Variants in MTRES1 observed in about 807,000 individuals in gnomAD.
The protein encoded by MTRES1 is uncharacterized protein C6orf203.
A neutral mutation model predicts 17.4 loss-of-function variants in MTRES1; 11 were observed. The ratio of observed to expected loss-of-function variants is 0.63; its 90% CI spans 0.40 to 1.05. MTRES1 has a LOEUF of 1.05. MTRES1 is among the 50% of genes least tolerant of loss of function. MTRES1 has a pLI of 0.00. For missense variants in MTRES1, 268 were observed against 276.2 expected (o/e 0.97, Z 0.21); for synonymous variants, 94 against 99.6 (o/e 0.94, Z 0.34).
At position 107,040,259 on chromosome 6, in the gene MTRES1, C is replaced by T. The variant is rs782003736; in HGVS notation, c.470+29C>T. On this transcript the variant is annotated intron_variant, in intron 2 of 3. Coordinates refer to ENST00000311381, the MANE Select transcript of MTRES1 (RefSeq NM_016487.5). ...AGTATGATACGCATTTCATTATAAA[C>T]TCGCTCGTAGTCATGTTATTTTAAT... 4 of 1,549,938 alleles carry T rather than the reference C, an allele frequency of 2.6e-6. No homozygotes were observed. In the Admixed American group the frequency reaches 8.6e-5, roughly 33 times the overall value.
At chr6:107,045,410 G>A (rs1324298884) in intron 3 of MTRES1, among the ~76,000 whole-genome samples, 2 of 152,094 alleles carry the variant, frequency 1.3e-5, no homozygotes, top group Admixed American at 1.3e-4. Flanking sequence ...CATGAACCTG[G>A]GAGGCGGAGC....
intron 3 of MTRES1, 51 bp from the exon 4 acceptor site, chr6:107,051,006 G>T: frequency 6.8e-7 from 1 of 1,471,226 alleles, no homozygotes; most frequent in Non-Finnish European, 9.4e-7. Context: ...GTTTGCATTG[G>T]CCTGGATTTC....
chr6:107,045,032 C>G (rs1421640167), intron 3 of MTRES1, among the ~76,000 whole-genome samples: 1 of 151,758 alleles, frequency 6.6e-6, no homozygotes, highest in South Asian at 2.1e-4. Flanking sequence ...ACAAAAAATA[C>G]AAAAAATTAG....
intron 1 of MTRES1, among the ~76,000 whole-genome samples, chr6:107,038,812 T>C (rs1774091348): frequency 3.3e-5 from 5 of 152,144 alleles, no homozygotes; most frequent in African/African-American, 1.2e-4. Flanking sequence ...CCCAGCACTT[T>C]GGGAGGCCAA....
At chr6:107,048,751 G>C (rs554869173) in intron 3 of MTRES1, among the ~76,000 whole-genome samples, 20 of 141,314 alleles carry the variant, frequency 1.4e-4, no homozygotes, top group Non-Finnish European at 2.7e-4. Flanking sequence ...CTGCACTCCA[G>C]CCTGGTGACA....
At chr6:107,043,195 G>A (rs567828156) in intron 2 of MTRES1, among the ~76,000 whole-genome samples, 10 of 152,184 alleles carry the variant, frequency 6.6e-5, no homozygotes, top group South Asian at 2.1e-4. Flanking sequence ...TTACCCAGGC[G>A]TGGTGGCGGG....
intron 1 of MTRES1, chr6:107,028,840 ACCT>A: frequency 1.0e-6 from 1 of 979,812 alleles, no homozygotes; most frequent in Non-Finnish European, 1.2e-6. Context: ...GTCACCCAAA[ACCT>A]CCTATGGGAT....
intron 3 of MTRES1, among the ~76,000 whole-genome samples, chr6:107,047,127 A>G (rs1458457892): frequency 6.6e-6 from 1 of 152,140 alleles, no homozygotes; most frequent in Non-Finnish European, 1.5e-5. Context: ...TTAGCCACAC[A>G]CTAGCCTTCT....
intron 3 of MTRES1, 130 bp from the exon 4 acceptor site, chr6:107,050,927 G>A (rs1774581692): frequency 1.4e-6 from 1 of 739,258 alleles, no homozygotes; most frequent in African/African-American, 1.8e-5. Flanking sequence ...CAGTGACTAA[G>A]GTCAGGGCCT....
chr6:107,045,780 T>C (rs1224958152), intron 3 of MTRES1, among the ~76,000 whole-genome samples: 1 of 152,206 alleles, frequency 6.6e-6, no homozygotes, highest in African/African-American at 2.4e-5. Context: ...GAAGACATAA[T>C]CTAACTCAGT....
chr6:107,046,759 G>A (rs1221289742), intron 3 of MTRES1, among the ~76,000 whole-genome samples: 3 of 152,110 alleles, frequency 2.0e-5, no homozygotes, highest in Non-Finnish European at 2.9e-5. Context: ...TGAAAACCAG[G>A]TGAAGCCCAG....
intron 1 of MTRES1, among the ~76,000 whole-genome samples, chr6:107,035,731 C>T (rs1406925270): frequency 1.3e-5 from 2 of 152,104 alleles, no homozygotes; most frequent in Non-Finnish European, 2.9e-5. Flanking sequence ...TCACTGCAAC[C>T]TCAACCTCCT....
At chr6:107,050,616 G>A (rs758050329) in intron 3 of MTRES1, among the ~76,000 whole-genome samples, 4 of 135,568 alleles carry the variant, frequency 3.0e-5, no homozygotes, top group East Asian at 2.3e-4. Context: ...TCCCTCTGTC[G>A]CCCGGGCTGG....
chr6:107,029,984 A>C (rs1582588401), intron 1 of MTRES1: 1 of 673,368 alleles, frequency 1.5e-6, no homozygotes. Context: ...CATATAATTT[A>C]CAGGGTGTTT....
chr6:107,033,741 C>CT (rs1159201836), intron 1 of MTRES1, among the ~76,000 whole-genome samples: 1 of 152,092 alleles, frequency 6.6e-6, no homozygotes, highest in Non-Finnish European at 1.5e-5. Flanking sequence ...TGGCAGGAAC[C>CT]TGGGAGGCAG....
rs557750062 is a variant in MTRES1 at position 107,030,020 on chromosome 6, A to G, written c.-13+1749A>G. 1.1e-4 allele frequency: 78 copies of G among 708,548 alleles called. No homozygotes were observed. The East Asian group carries it at 2.0e-3, about 18-fold the overall frequency. The allele number at this position is 708,548 out of a possible 1,614,324, so 43.9% of individuals were successfully genotyped here. A position where few individuals can be genotyped will look rare whatever the true frequency, so the allele number is the denominator to read the frequency against. On this transcript the variant is annotated intron_variant, in intron 1 of 3. Transcript: ENST00000311381. Reference sequence around the variant, plus strand: ...TTTTTTTTGTCTACCTGTTTCCCCTACTAGACTATAAACTCTACAAGAATA... The same window carrying G: ...TTTTTTTTGTCTACCTGTTTCCCCTGCTAGACTATAAACTCTACAAGAATA...
chr6:107,049,307 A>G (rs1774506409), intron 3 of MTRES1, among the ~76,000 whole-genome samples: 1 of 151,368 alleles, frequency 6.6e-6, no homozygotes, highest in South Asian at 2.1e-4. Flanking sequence ...CTCACCCCCT[A>G]CTGGAAGCAG....
intron 1 of MTRES1, among the ~76,000 whole-genome samples, chr6:107,035,787 A>G (rs1440835619): frequency 1.3e-5 from 2 of 151,710 alleles, no homozygotes; most frequent in Non-Finnish European, 2.9e-5. Context: ...TAGCTGAGAT[A>G]ACAGGCACCC....
chr6:107,036,789 G>T (rs1774024258), intron 1 of MTRES1, among the ~76,000 whole-genome samples: 1 of 151,272 alleles, frequency 6.6e-6, no homozygotes, highest in Non-Finnish European at 1.5e-5. Context: ...GGCGGAGCTT[G>T]CAGTGAGCTG....
Sources: gnomAD v4.1 joint callset for allele counts (sites outside exome capture counted in the v4.1 genomes callset) on GRCh38, gnomAD v4.1.1 for gene constraint, MANE v1.5 for transcripts, NCBI Gene and HGNC (gene_info 2026-07-23, HGNC 2026-07-21) for gene names.